Variants in ESRRG observed in about 807,000 individuals in gnomAD.
ESRRG encodes the protein estrogen related receptor gamma.
Under a neutral mutation model 44.0 loss-of-function variants are expected in ESRRG, and 13 were observed. That is an observed-to-expected ratio of 0.30 (90% confidence interval 0.19 to 0.47). The LOEUF is 0.47. Ranked by LOEUF, ESRRG falls within the 20% of genes least tolerant of loss-of-function variation. The pLI is 1.00. For synonymous variants in ESRRG, 215 were observed against 214.6 expected, an observed-to-expected ratio of 1.00 and a Z score of -0.02; for missense variants, 395 against 580.6, an observed-to-expected ratio of 0.68 and a Z score of 3.29.
intron 1 of ESRRG, among the ~76,000 whole-genome samples, chr1:217,005,204 C>T (rs1281812155): frequency 6.6e-6 from 1 of 152,112 alleles, no homozygotes; most frequent in Non-Finnish European, 1.5e-5. Context: ...AGTCTTTCCC[C>T]TATTACTTCC....
At chr1:216,739,027 T>C (rs1276153683) in intron 2 of ESRRG, among the ~76,000 whole-genome samples, 1 of 152,118 alleles carries the variant, frequency 6.6e-6, no homozygotes, top group Non-Finnish European at 1.5e-5. Context: ...CTACTTATCC[T>C]TAATACTTAG....
chr1:216,731,564 G>T (rs931513205), intron 2 of ESRRG, among the ~76,000 whole-genome samples: 1 of 152,128 alleles, frequency 6.6e-6, no homozygotes, highest in African/African-American at 2.4e-5. Context: ...CCACATTTTG[G>T]ATGCAAAAGA....
chr1:216,632,612 G>C (rs1229731413), intron 3 of ESRRG, among the ~76,000 whole-genome samples: 1 of 152,154 alleles, frequency 6.6e-6, no homozygotes, highest in Non-Finnish European at 1.5e-5. Flanking sequence ...GGTATACCAG[G>C]AAGGATTAAA....
At chr1:216,941,515 T>C (rs1309661698) in intron 1 of ESRRG, among the ~76,000 whole-genome samples, 1 of 152,170 alleles carries the variant, frequency 6.6e-6, no homozygotes, top group Non-Finnish European at 1.5e-5. Flanking sequence ...CCAGTTCTCC[T>C]TTTGATCCCA....
At chr1:216,561,016 A>T (rs2058624310) in intron 5 of ESRRG, among the ~76,000 whole-genome samples, 1 of 152,066 alleles carries the variant, frequency 6.6e-6, no homozygotes. Flanking sequence ...AAAGTCAAGC[A>T]TTTTCTAAAG....
intron 1 of ESRRG, among the ~76,000 whole-genome samples, chr1:217,053,680 A>G (rs2086560211): frequency 6.6e-6 from 1 of 152,146 alleles, no homozygotes; most frequent in South Asian, 2.1e-4. Flanking sequence ...TGACAAATAA[A>G]TTATTGGCCT....
chr1:216,585,933 G>C (rs1367519708), intron 3 of ESRRG, among the ~76,000 whole-genome samples: 2 of 152,088 alleles, frequency 1.3e-5, no homozygotes, highest in South Asian at 2.1e-4. Flanking sequence ...TCAGCTACTC[G>C]GGAGGCTGAG....
chr1:216,707,129 C>A (rs1462788232), intron 1 of ESRRG, among the ~76,000 whole-genome samples: 2 of 152,162 alleles, frequency 1.3e-5, no homozygotes, highest in Non-Finnish European at 1.5e-5. Flanking sequence ...TAATTCAAAC[C>A]TTTCCCTCAA....
chr1:216,836,445 A>G (rs12743040), intron 2 of ESRRG, among the ~76,000 whole-genome samples: 34,753 of 151,952 alleles, frequency 0.23, 4,185 homozygotes, highest in African/African-American at 0.3. Flanking sequence ...TTAACTGCAC[A>G]TCTTTTATTA....
At chr1:217,083,709 C>G (rs769231944) in intron 1 of ESRRG, among the ~76,000 whole-genome samples, 1 of 152,302 alleles carries the variant, frequency 6.6e-6, no homozygotes, top group South Asian at 2.1e-4. Context: ...TATCCCAATT[C>G]TGCAACCTTA....
intron 5 of ESRRG, among the ~76,000 whole-genome samples, chr1:216,549,970 A>G (rs147681796): frequency 6.6e-6 from 1 of 152,136 alleles, no homozygotes; most frequent in African/African-American, 2.4e-5. Flanking sequence ...TCATGTTGGC[A>G]TCTGACTGCA....
chr1:216,729,762 C>T (rs571445473), intron 2 of ESRRG, among the ~76,000 whole-genome samples: 62 of 152,208 alleles, frequency 4.1e-4, no homozygotes, highest in African/African-American at 1.5e-3. Context: ...ACACTTCTTC[C>T]ACATCCCTCT....
At chr1:216,642,827 C>T (rs1424130467) in intron 3 of ESRRG, among the ~76,000 whole-genome samples, 1 of 152,092 alleles carries the variant, frequency 6.6e-6, no homozygotes, top group African/African-American at 2.4e-5. Context: ...ATGTCTTCTT[C>T]AGAGGTTTTT....
intron 1 of ESRRG, among the ~76,000 whole-genome samples, chr1:217,050,695 C>A (rs2085790630): frequency 6.6e-6 from 1 of 152,210 alleles, no homozygotes; most frequent in African/African-American, 2.4e-5. Flanking sequence ...GACCACATCT[C>A]TGTTCTCTTA....
At chr1:216,752,114 T>C (rs2092075910) in intron 2 of ESRRG, among the ~76,000 whole-genome samples, 1 of 152,128 alleles carries the variant, frequency 6.6e-6, no homozygotes, top group Non-Finnish European at 1.5e-5. Flanking sequence ...ACCTAGAATA[T>C]TCAAGCACTT....
chr1:216,578,383 C>CA (rs1395556051), intron 3 of ESRRG, among the ~76,000 whole-genome samples: 1 of 152,056 alleles, frequency 6.6e-6, no homozygotes. Context: ...ATTCAAACTT[C>CA]AAACCCCATA....
chr1:216,877,544 C>T (rs949505759), intron 2 of ESRRG, among the ~76,000 whole-genome samples: 1 of 151,958 alleles, frequency 6.6e-6, no homozygotes, highest in African/African-American at 2.4e-5. Flanking sequence ...GCTGGGACTA[C>T]AGGCACGCAC....
At chr1:216,707,964 C>T (rs2082769662) in intron 1 of ESRRG, among the ~76,000 whole-genome samples, 1 of 151,984 alleles carries the variant, frequency 6.6e-6, no homozygotes, top group African/African-American at 2.4e-5. Flanking sequence ...ATGGAGGATA[C>T]TTAAAAATAC....
chr1:216,725,811 C>T (rs1005601699), upstream of ESRRG, among the ~76,000 whole-genome samples: 18 of 152,166 alleles, frequency 1.2e-4, no homozygotes, highest in African/African-American at 3.9e-4. Flanking sequence ...GAATGCATTC[C>T]GATTTTGCAC....
Sources: allele counts gnomAD v4.1 joint callset (sites outside exome capture counted in the v4.1 genomes callset), GRCh38; gene constraint gnomAD v4.1.1; transcripts MANE v1.5; gene names NCBI Gene and HGNC (gene_info 2026-07-23, HGNC 2026-07-21).